The following GBP6 variants were observed in gnomAD, a reference collection of about 807,000 sequenced individuals.
The protein encoded by GBP6 is guanylate-binding protein 6.
Under a neutral mutation model 61.5 loss-of-function variants are expected in GBP6, and 54 were observed. The observed-to-expected ratio is 0.88, with a 90% CI of 0.71 to 1.10. The LOEUF is 1.10. GBP6 is among the 50% of genes least tolerant of loss of function. The pLI, the probability that GBP6 is intolerant of heterozygous loss-of-function variation, is 0.00. For synonymous variants in GBP6, 255 were observed against 273.7 expected (o/e 0.93, Z 0.67); for missense variants, 748 against 752.8 (o/e 0.99, Z 0.07).
chr1:89,383,790 C>A, intron 9 of GBP6, 36 bp downstream of exon 9: 3 of 1,451,792 alleles, frequency 2.1e-6, no homozygotes, highest in Non-Finnish European at 2.8e-6. Context: ...AGGAGGGGTA[C>A]GTTTATACAA....
rs2100678151 is a variant in GBP6 at position 89,385,914 on chromosome 1, C to T, written c.*445C>T. On this transcript the variant is annotated 3_prime_UTR_variant, in exon 11 of 11. Coordinates refer to ENST00000370456, the MANE Select transcript of GBP6 (RefSeq NM_198460.3). ...GCCCACATGAGAGAACAGATCCATACACACTTTGAAAAACTTTGTTCACTT... is the reference window on the plus strand; with the variant it reads ...GCCCACATGAGAGAACAGATCCATATACACTTTGAAAAACTTTGTTCACTT... 1 of 153,016 alleles carries T rather than the reference C, an allele frequency of 6.5e-6. No homozygotes were observed. The highest frequency in any genetic ancestry group is 1.9e-4 in the East Asian group (1 of 5,190). 9.5% of individuals were successfully genotyped at this position (153,016 alleles called of 1,614,324 possible).
At chr1:89,375,877 C>T (rs537952035) in intron 3 of GBP6, among the ~76,000 whole-genome samples, 55 of 152,176 alleles carry the variant, frequency 3.6e-4, no homozygotes, top group South Asian at 2.1e-4. Context: ...GGTATTTTTA[C>T]GGCTTCATAT....
intron 5 of GBP6, among the ~76,000 whole-genome samples, chr1:89,379,225 G>T (rs1254549965): frequency 2.0e-5 from 3 of 152,084 alleles, no homozygotes; most frequent in African/African-American, 7.2e-5. Flanking sequence ...GAGGGGGGTG[G>T]TCTCAGACTT....
Position 89,378,418 on chromosome 1 carries a change from T to C in GBP6, c.430T>C (p.Tyr144His). The change falls in exon 5 of 11, where the codon TAT becomes CAT. Residue 144 changes from tyrosine to histidine, a missense_variant and splice_region_variant. Coordinates refer to ENST00000370456, the MANE Select transcript of GBP6 (RefSeq NM_198460.3). ...TGCTTTTCCTTACCTAAGTCCTAGTTATGTGACGGAGCTCACAGAACTAAT... is the reference window on the plus strand; with the variant it reads ...TGCTTTTCCTTACCTAAGTCCTAGTCATGTGACGGAGCTCACAGAACTAAT... The part of the protein sequence containing the change: ...INHQALEQLH[Y>H]VTELTELIKA... The C allele has an allele frequency of 1.9e-6, 3 of 1,612,844 alleles. No homozygotes were observed. Among genetic ancestry groups the C allele is most frequent in the Non-Finnish European group, 2.5e-6 (3 of 1,179,640 alleles).
intron 1 of GBP6, among the ~76,000 whole-genome samples, chr1:89,365,761 A>T (rs370036307): frequency 9.9e-5 from 15 of 152,266 alleles, no homozygotes; most frequent in Admixed American, 5.2e-4. Flanking sequence ...TGGATGTATG[A>T]TTTAACTCAC....
At position 89,369,561 on chromosome 1, in the gene GBP6, C is replaced by T. The variant is rs1360158843; in HGVS notation, c.206C>T (p.Ser69Phe). Residue 69 changes from serine to phenylalanine, a missense_variant, in exon 3 of 11, where the codon TCC becomes TTC. Ser to Phe is a radical substitution (Grantham distance 155, BLOSUM62 -2). Transcript: ENST00000370456. Reference protein sequence around the residue: ...AGQNHGFPLGSTVQSETKGIW... With the variant: ...AGQNHGFPLGFTVQSETKGIW... ...TTCCCTGCAGGCTTCCCTCTGGGCT[C>T]CACGGTGCAGTCTGAAACCAAGGGC... 1 of 1,613,994 alleles carries T rather than the reference C, an allele frequency of 6.2e-7. No individual in the cohort carries two copies. Among genetic ancestry groups the T allele is most frequent in the Non-Finnish European group, 8.5e-7 (1 of 1,179,902 alleles).
Position 89,368,547 on chromosome 1 carries a change from T to C in GBP6, c.-5T>C. On this transcript the variant is annotated 5_prime_UTR_variant, in exon 2 of 11. Transcript: ENST00000370456. ...CTGGGAGGCTCTTCTAGGTTGGCAGTTGCCATGGAATCTGGACCCAAAATG... is the reference window on the plus strand; with the variant it reads ...CTGGGAGGCTCTTCTAGGTTGGCAGCTGCCATGGAATCTGGACCCAAAATG... The C allele has an allele frequency of 6.2e-7, 1 of 1,612,738 alleles. No homozygotes were observed. The highest frequency in any genetic ancestry group is 1.3e-5 in the African/African-American group (1 of 75,014).
intron 2 of GBP6, 74 bp downstream of exon 2, chr1:89,368,815 G>A (rs758216125): frequency 2.1e-6 from 3 of 1,402,892 alleles, no homozygotes; most frequent in Non-Finnish European, 2.9e-6. Flanking sequence ...CTCTACCCCA[G>A]AGCACATGAA....
At chr1:89,372,603 C>T (rs1239386080) in intron 3 of GBP6, among the ~76,000 whole-genome samples, 1 of 152,142 alleles carries the variant, frequency 6.6e-6, no homozygotes, top group Non-Finnish European at 1.5e-5. Flanking sequence ...GGAAAACTGG[C>T]TAGCCATATA....
At chr1:89,376,591 A>G (rs1393915783) in intron 3 of GBP6, among the ~76,000 whole-genome samples, 2 of 152,174 alleles carry the variant, frequency 1.3e-5, no homozygotes, top group Non-Finnish European at 2.9e-5. Context: ...TTATGCCAGC[A>G]TCATACTATT....
At chr1:89,369,798 T>C (rs987384070) in intron 3 of GBP6, 125 bp downstream of exon 3, 26 of 1,147,114 alleles carry the variant, frequency 2.3e-5, no homozygotes, top group Non-Finnish European at 3.1e-5. Flanking sequence ...TTTGACCTGT[T>C]TGAATCACAC....
chr1:89,371,074 A>G (rs1452214410), intron 3 of GBP6, among the ~76,000 whole-genome samples: 2 of 152,178 alleles, frequency 1.3e-5, no homozygotes, highest in Non-Finnish European at 2.9e-5. Context: ...AGATTCCACA[A>G]ATAGGTGAGA....
intron 10 of GBP6, 46 bp from the exon 11 acceptor site, chr1:89,385,183 GA>G (rs1343168132): frequency 3.9e-6 from 6 of 1,541,880 alleles, no homozygotes; most frequent in Admixed American, 1.9e-5. Flanking sequence ...AGTCTTAAAA[GA>G]ATAGGGATTT....
At chr1:89,375,185 G>C (rs949355467) in intron 3 of GBP6, among the ~76,000 whole-genome samples, 7 of 151,998 alleles carry the variant, frequency 4.6e-5, no homozygotes, top group African/African-American at 1.5e-4. Context: ...TGGGCATTTA[G>C]GTTGATTCCA....
rs556376049 is a variant in GBP6 at position 89,364,432 on chromosome 1, C to T, written c.-24+305C>T. On this transcript the variant is annotated intron_variant, in intron 1 of 10. Transcript: ENST00000370456. The stretch of plus-strand genomic sequence containing the variant: ...CTCTCTCAGGTCCTGCGGCAAGCCC[C>T]AGAATGCAGAGAACAAGGAGCTTCC... 1.2e-4 allele frequency among the ~76,000 whole-genome samples: 19 copies of T among 152,278 alleles called. No homozygotes were observed. The South Asian group carries it at 2.7e-3, about 22-fold the overall frequency.
At chr1:89,375,247 C>A (rs56843785) in intron 3 of GBP6, among the ~76,000 whole-genome samples, 80 of 151,974 alleles carry the variant, frequency 5.3e-4, no homozygotes, top group African/African-American at 1.8e-3. Context: ...ATACATGTGG[C>A]CAACAATCAT....
At chr1:89,371,973 A>T (rs923631204) in intron 3 of GBP6, among the ~76,000 whole-genome samples, 3 of 152,250 alleles carry the variant, frequency 2.0e-5, no homozygotes, top group African/African-American at 7.2e-5. Flanking sequence ...AAGTCTCAGG[A>T]TACAAAATCA....
intron 1 of GBP6, among the ~76,000 whole-genome samples, chr1:89,364,828 T>C (rs1367157788): frequency 6.6e-6 from 1 of 151,022 alleles, no homozygotes; most frequent in African/African-American, 2.4e-5. Flanking sequence ...ATGTTTAAAA[T>C]AAAAAAGATT....
rs1017151540 is a variant in GBP6 at position 89,386,622 on chromosome 1, C to T, written c.*1153C>T. ...CCTTCTATTTGTTTCGAGACTAAGG[C>T]ATACACTTTTCTGTGGCCTTTGAAA... is the stretch of plus-strand genomic sequence containing the variant. On this transcript the variant is annotated 3_prime_UTR_variant, in exon 11 of 11. Transcript: ENST00000370456. Among the ~76,000 whole-genome samples, 1 of 152,190 alleles carries T rather than the reference C, an allele frequency of 6.6e-6. No homozygotes were observed. Among genetic ancestry groups the T allele is most frequent in the African/African-American group, 2.4e-5 (1 of 41,454 alleles).
Sources: gnomAD v4.1 joint callset for allele counts (sites outside exome capture counted in the v4.1 genomes callset) on GRCh38, gnomAD v4.1.1 for gene constraint, MANE v1.5 for transcripts, NCBI Gene and HGNC (gene_info 2026-07-23, HGNC 2026-07-21) for gene names.